Variants in NTRK2 observed in about 807,000 individuals in gnomAD.
NTRK2 encodes the protein BDNF/NT-3 growth factors receptor.
Under a neutral mutation model 94.5 loss-of-function variants are expected in NTRK2, and 13 were observed. The ratio of observed to expected loss-of-function variants is 0.14; its 90% CI spans 0.09 to 0.22. NTRK2 has a LOEUF of 0.22. Ranked by LOEUF, NTRK2 falls within the 10% of genes least tolerant of loss-of-function variation. The pLI is 1.00. For synonymous variants in NTRK2, 372 were observed against 407.4 expected (o/e 0.91, Z 1.05); for missense variants, 639 against 1,071.2 (o/e 0.60, Z 5.63).
intron 2 of NTRK2, among the ~76,000 whole-genome samples, chr9:84,693,849 C>A (rs758546682): frequency 6.6e-6 from 1 of 152,154 alleles, no homozygotes; most frequent in Non-Finnish European, 1.5e-5. Context: ...TTTCCAGGCA[C>A]TCAAATTTGT....
intron 17 of NTRK2, among the ~76,000 whole-genome samples, chr9:85,016,612 A>G (rs890829240): frequency 3.3e-5 from 5 of 152,228 alleles, no homozygotes; most frequent in Admixed American, 2.6e-4. Context: ...TCCAAAAACC[A>G]TCAAGTGACT....
At chr9:84,707,943 A>G (rs764345331) in intron 5 of NTRK2, 31 bp downstream of exon 5, 10 of 1,567,728 alleles carry the variant, frequency 6.4e-6, no homozygotes, top group African/African-American at 1.3e-5. Flanking sequence ...GCATTTGGGG[A>G]AATGTTTTCA....
rs1588095743 is a variant in NTRK2, at chr9:84,709,518, A to G, written c.429-1119A>G. Among the ~76,000 whole-genome samples, 6 of 152,278 alleles carry G rather than the reference A, an allele frequency of 3.9e-5. No homozygotes were observed. The South Asian group carries it at 1.0e-3, about 26-fold the overall frequency. ...AGGCGATCAAGCAGACACAAATTAA[A>G]TGAGTCTACCATGACCACATTTTCC... is the stretch of plus-strand genomic sequence containing the variant. On this transcript the variant is annotated intron_variant, in intron 5 of 18. Transcript: ENST00000277120.
Position 84,670,689 on chromosome 9 carries a change from G to A in NTRK2, c.-60G>A, listed in dbSNP as rs1470953746. 3 of 1,552,558 alleles carry A rather than the reference G, an allele frequency of 1.9e-6. No homozygotes were observed. The highest frequency in any genetic ancestry group is 2.2e-5 in the East Asian group (1 of 44,618). On this transcript the variant is annotated 5_prime_UTR_variant, in exon 2 of 19. Transcript: ENST00000277120. ...GCAGGGAAGGCCTCCCCGCACGGGT[G>A]GGGGAAAGCGGCCGGTGCAGCGCGG...
At chr9:84,899,722 G>A (rs75214163) in intron 14 of NTRK2, among the ~76,000 whole-genome samples, 1,537 of 152,236 alleles carry the variant, frequency 0.01, 30 homozygotes, top group African/African-American at 0.035. Flanking sequence ...GAAGAAGAGA[G>A]ACAGGAAGAA....
chr9:84,894,263 G>A (rs536343018), intron 14 of NTRK2, among the ~76,000 whole-genome samples: 2 of 147,378 alleles, frequency 1.4e-5, no homozygotes, highest in African/African-American at 2.5e-5. Context: ...GCTGTGAGCT[G>A]GTTCTCTTTT....
chr9:84,766,039 T>G (rs184099323), intron 12 of NTRK2, among the ~76,000 whole-genome samples: 101 of 152,264 alleles, frequency 6.6e-4, no homozygotes, highest in African/African-American at 2.3e-3. Flanking sequence ...TCATGGAGTT[T>G]ATTAAAGTTT....
At chr9:84,897,128 T>C (rs1160951320) in intron 14 of NTRK2, among the ~76,000 whole-genome samples, 2 of 150,676 alleles carry the variant, frequency 1.3e-5, no homozygotes, top group Non-Finnish European at 2.9e-5. Flanking sequence ...GAGAGGACCC[T>C]TCTGAGCCCC....
In NTRK2 at chr9:84,829,599, C is replaced by T. The variant is rs112564602; in HGVS notation, c.1397-31441C>T. The stretch of plus-strand genomic sequence containing the variant: ...TTCTGTCTGTTGGCCTCTTAAGGGG[C>T]GATGTTCCGCCTGTTTGCATGCTGG... On this transcript the variant is annotated intron_variant, in intron 12 of 18. Transcript: ENST00000277120. Among the ~76,000 whole-genome samples the T allele has an allele frequency of 1.8e-3, 279 of 152,194 alleles. 2 individuals are homozygous for T. Among genetic ancestry groups the T allele is most frequent in the African/African-American group, 6.3e-3 (260 of 41,532 alleles).
At chr9:85,014,038 C>A (rs1015147092) in intron 17 of NTRK2, among the ~76,000 whole-genome samples, 1 of 152,158 alleles carries the variant, frequency 6.6e-6, no homozygotes, top group Non-Finnish European at 1.5e-5. Context: ...TACCAATGTG[C>A]CTCTCAGAAG....
chr9:84,983,730 G>T (rs1169819309), intron 17 of NTRK2, among the ~76,000 whole-genome samples: 1 of 152,110 alleles, frequency 6.6e-6, no homozygotes, highest in Non-Finnish European at 1.5e-5. Flanking sequence ...CATCCCTACT[G>T]CCCCTCCGCC....
chr9:84,808,865 G>A (rs925155722), intron 12 of NTRK2, among the ~76,000 whole-genome samples: 2 of 152,174 alleles, frequency 1.3e-5, no homozygotes, highest in Non-Finnish European at 2.9e-5. Flanking sequence ...TGGTACTTAC[G>A]GTTCTGGAGG....
intron 12 of NTRK2, among the ~76,000 whole-genome samples, chr9:84,842,400 T>C (rs1311461876): frequency 6.6e-6 from 1 of 152,212 alleles, no homozygotes; most frequent in Non-Finnish European, 1.5e-5. Context: ...AATCTCATTC[T>C]GGTTCTGGAT....
intron 14 of NTRK2, among the ~76,000 whole-genome samples, chr9:84,933,290 G>T (rs924409453): frequency 6.6e-6 from 1 of 152,194 alleles, no homozygotes; most frequent in South Asian, 2.1e-4. Flanking sequence ...CCTCTGCAGG[G>T]TCTCCTTGTG....
At chr9:84,751,497 C>A (rs925691161) in intron 11 of NTRK2, among the ~76,000 whole-genome samples, 2 of 152,140 alleles carry the variant, frequency 1.3e-5, no homozygotes, top group African/African-American at 4.8e-5. Context: ...GGGAAGATAC[C>A]TTGAGCCCAG....
chr9:84,863,016 A>G (rs1384424947), intron 13 of NTRK2, among the ~76,000 whole-genome samples: 1 of 152,136 alleles, frequency 6.6e-6, no homozygotes, highest in African/African-American at 2.4e-5. Flanking sequence ...GCATGCTCCC[A>G]GGCAGGGTAT....
intron 14 of NTRK2, among the ~76,000 whole-genome samples, chr9:84,931,781 T>C (rs2078045196): frequency 6.7e-6 from 1 of 149,750 alleles, no homozygotes; most frequent in South Asian, 2.1e-4. Context: ...GAGTGAGAAG[T>C]AAATCAAGTG....
chr9:85,018,057 T>C (rs1254935462), intron 17 of NTRK2, among the ~76,000 whole-genome samples: 1 of 152,156 alleles, frequency 6.6e-6, no homozygotes, highest in African/African-American at 2.4e-5. Context: ...AATGCCATGT[T>C]TGTATCTTAA....
rs2064892021 is a variant in NTRK2 at position 84,754,341 on chromosome 9, C to A, written c.1396+2256C>A. ...GAATAGCTTACTGTTCTATTTTAAG[C>A]TACATGTCTATCTGGGGCATGATGT... On this transcript the variant is annotated intron_variant, in intron 12 of 18. Transcript: ENST00000277120. Among the ~76,000 whole-genome samples, 3 of 151,614 alleles carry A rather than the reference C, an allele frequency of 2.0e-5. No individual in the cohort carries two copies. The South Asian group carries it at 6.3e-4, about 32-fold the overall frequency.
Sources: allele counts gnomAD v4.1 joint callset (sites outside exome capture counted in the v4.1 genomes callset), GRCh38; gene constraint gnomAD v4.1.1; transcripts MANE v1.5; gene names NCBI Gene and HGNC (gene_info 2026-07-23, HGNC 2026-07-21).